Variants in ROBO2 observed in about 807,000 individuals in gnomAD.
The protein encoded by ROBO2 is roundabout guidance receptor 2.
ROBO2 carries 53 observed loss-of-function variants against 160.8 expected under a neutral mutation model. That is an observed-to-expected ratio of 0.33 (90% CI 0.26 to 0.41). ROBO2 has a LOEUF of 0.41. ROBO2 is among the 10% of genes least tolerant of loss of function. The pLI is 1.00. For missense variants in ROBO2, 1,577 were observed against 1,722.4 expected (o/e 0.92, Z 1.49); for synonymous variants, 664 against 611.7 (o/e 1.09, Z -1.26).
intron 2 of ROBO2, among the ~76,000 whole-genome samples, chr3:77,416,120 A>G (rs1309466431): frequency 6.6e-6 from 1 of 152,168 alleles, no homozygotes. Flanking sequence ...GAGTGAGAGT[A>G]AAGTTCTTGA....
intron 2 of ROBO2, among the ~76,000 whole-genome samples, chr3:76,279,890 G>T (rs531285007): frequency 5.8e-4 from 88 of 152,022 alleles, no homozygotes; most frequent in African/African-American, 2.0e-3. Context: ...GATTGATTTG[G>T]TAAGATTTGG....
At chr3:76,027,586 A>G (rs1035682611) in intron 2 of ROBO2, among the ~76,000 whole-genome samples, 8 of 152,070 alleles carry the variant, frequency 5.3e-5, no homozygotes, top group African/African-American at 1.4e-4. Flanking sequence ...TGAAAATAAT[A>G]TAAAATGAAA....
intron 2 of ROBO2, among the ~76,000 whole-genome samples, chr3:76,827,759 C>T (rs183070004): frequency 5.9e-5 from 9 of 152,018 alleles, no homozygotes; most frequent in Admixed American, 1.3e-4. Flanking sequence ...TCCTGTTTGA[C>T]GCACCCACAA....
intron 2 of ROBO2, among the ~76,000 whole-genome samples, chr3:77,297,176 AGTGG>A (rs1255548332): frequency 2.0e-5 from 3 of 152,114 alleles, no homozygotes; most frequent in Non-Finnish European, 2.9e-5. Flanking sequence ...GTTGTACTGC[AGTGG>A]GCTTTCAACT....
chr3:75,990,179 A>G (rs1211924400), intron 2 of ROBO2, among the ~76,000 whole-genome samples: 1 of 152,208 alleles, frequency 6.6e-6, no homozygotes, highest in African/African-American at 2.4e-5. Flanking sequence ...AACTTTTCTG[A>G]AAACTATAAT....
At chr3:76,055,758 T>A (rs2067822220) in intron 2 of ROBO2, among the ~76,000 whole-genome samples, 1 of 152,180 alleles carries the variant, frequency 6.6e-6, no homozygotes, top group South Asian at 2.1e-4. Flanking sequence ...GCTTTTATTT[T>A]ATTTATTTAT....
At chr3:76,346,941 T>C (rs2074568475) in intron 2 of ROBO2, among the ~76,000 whole-genome samples, 1 of 152,130 alleles carries the variant, frequency 6.6e-6, no homozygotes, top group Non-Finnish European at 1.5e-5. Flanking sequence ...AATGTGAAGA[T>C]GATGCAGTCT....
intron 2 of ROBO2, among the ~76,000 whole-genome samples, chr3:77,006,638 C>T (rs995096545): frequency 6.6e-6 from 1 of 151,724 alleles, no homozygotes; most frequent in Admixed American, 6.6e-5. Context: ...ATAAAGCACG[C>T]TTGAAATATT....
At chr3:76,515,017 C>T (rs2081281016) in intron 2 of ROBO2, among the ~76,000 whole-genome samples, 1 of 152,208 alleles carries the variant, frequency 6.6e-6, no homozygotes, top group African/African-American at 2.4e-5. Context: ...TTTTCTCTCA[C>T]TTCCCATGGC....
At chr3:76,961,345 T>C (rs929019844) in intron 2 of ROBO2, among the ~76,000 whole-genome samples, 8 of 151,480 alleles carry the variant, frequency 5.3e-5, no homozygotes, top group Non-Finnish European at 7.4e-5. Flanking sequence ...TAAAATGTTA[T>C]GCACATCGAA....
intron 2 of ROBO2, among the ~76,000 whole-genome samples, chr3:76,579,601 T>A (rs1476919356): frequency 6.6e-6 from 1 of 152,014 alleles, no homozygotes; most frequent in Non-Finnish European, 1.5e-5. Context: ...ATCTTAATTA[T>A]TTCAAAAATC....
rs1468598689 is a variant in ROBO2 at position 76,059,833 on chromosome 3, G to A, written c.109+122231G>A. On this transcript the variant is annotated intron_variant, in intron 2 of 26. Transcript: ENST00000487694. ...TCTTGAATTAATTTTTGTATAAGGT[G>A]TGAGGAAAGGATCCAGTTTCAGCTT... Among the ~76,000 whole-genome samples, 9 of 152,268 alleles carry A rather than the reference G, an allele frequency of 5.9e-5. No individual in the cohort carries two copies. The South Asian group carries it at 1.2e-3, about 21-fold the overall frequency.
chr3:75,947,873 T>C (rs75962975), intron 2 of ROBO2, among the ~76,000 whole-genome samples: 1 of 152,228 alleles, frequency 6.6e-6, no homozygotes, highest in Admixed American at 6.6e-5. Flanking sequence ...GATGACATTA[T>C]GTCTGGCCAA....
intron 20 of ROBO2, among the ~76,000 whole-genome samples, chr3:77,605,657 A>G (rs1235306995): frequency 6.6e-6 from 1 of 152,200 alleles, no homozygotes; most frequent in African/African-American, 2.4e-5. Flanking sequence ...AACAGAATTC[A>G]GGGCTCTGGA....
At chr3:76,234,820 G>A (rs1167411319) in intron 2 of ROBO2, among the ~76,000 whole-genome samples, 1 of 152,074 alleles carries the variant, frequency 6.6e-6, no homozygotes, top group East Asian at 1.9e-4. Flanking sequence ...TTTTGAAATT[G>A]GAGTGTTTAT....
chr3:77,259,514 C>T (rs757608577), intron 2 of ROBO2, among the ~76,000 whole-genome samples: 2 of 151,656 alleles, frequency 1.3e-5, no homozygotes, highest in Non-Finnish European at 2.9e-5. Flanking sequence ...TACAGCTGAA[C>T]GAAAGTACTA....
intron 2 of ROBO2, among the ~76,000 whole-genome samples, chr3:77,427,658 A>G (rs895031143): frequency 2.0e-5 from 3 of 152,224 alleles, no homozygotes; most frequent in African/African-American, 7.2e-5. Flanking sequence ...GAAAGAAAAT[A>G]ACAGCAAGTC....
At chr3:76,523,485 C>G (rs772388069) in intron 2 of ROBO2, among the ~76,000 whole-genome samples, 1 of 152,050 alleles carries the variant, frequency 6.6e-6, no homozygotes, top group Non-Finnish European at 1.5e-5. Flanking sequence ...TAGTAACTAG[C>G]CCAAGCTCAC....
chr3:77,259,313 T>C (rs2058630499), intron 2 of ROBO2, among the ~76,000 whole-genome samples: 2 of 152,242 alleles, frequency 1.3e-5, no homozygotes, highest in South Asian at 4.1e-4. Flanking sequence ...GTTCATAGAA[T>C]GTAAGCACCA....
Sources: gnomAD v4.1 joint callset for allele counts (sites outside exome capture counted in the v4.1 genomes callset) on GRCh38, gnomAD v4.1.1 for gene constraint, MANE v1.5 for transcripts, NCBI Gene and HGNC (gene_info 2026-07-23, HGNC 2026-07-21) for gene names.